The following XPC variants were observed in gnomAD, a reference collection of about 807,000 sequenced individuals.
XPC encodes XPC complex subunit, DNA damage recognition and repair factor, also known as DNA repair protein complementing XP-C cells.
A neutral mutation model predicts 95.8 loss-of-function variants in XPC; 76 were observed. That is an observed-to-expected ratio of 0.79 (90% confidence interval 0.66 to 0.96). The LOEUF (loss-of-function observed/expected upper bound fraction) is 0.96. XPC is among the 40% of genes least tolerant of loss of function. XPC has a pLI of 0.00. For synonymous variants in XPC, 442 were observed against 442.1 expected (o/e 1.00, Z 0.00); for missense variants, 1,146 against 1,179.8 (o/e 0.97, Z 0.42).
intron 9 of XPC, among the ~76,000 whole-genome samples, chr3:14,156,828 G>A (rs1178570064): frequency 1.3e-5 from 2 of 152,224 alleles, no homozygotes; most frequent in Non-Finnish European, 2.9e-5. Flanking sequence ...TCAGTAAGAA[G>A]GTCTTATTTC....
intron 1 of XPC, 29 bp downstream of exon 1, chr3:14,178,437 C>T (rs1320458358): frequency 6.3e-7 from 1 of 1,578,410 alleles, no homozygotes; most frequent in East Asian, 2.3e-5. Context: ...GCGGCGTCTC[C>T]CGCGAAGCCC....
intron 1 of XPC, 116 bp downstream of exon 1, chr3:14,178,350 C>T: frequency 8.1e-7 from 1 of 1,238,698 alleles, no homozygotes; most frequent in Non-Finnish European, 1.1e-6. Context: ...CCCCACGGCG[C>T]GGAACGCGCG....
chr3:14,148,868 C>G lies in XPC; in HGVS notation c.2196G>C (p.Leu732=). The change falls in exon 12 of 16, where the codon CTG becomes CTC. Residue 732 remains leucine, a synonymous_variant. Transcript: ENST00000285021. The part of the protein sequence containing the change: ...PQLREENDLG[L]FGYWQTEEYQ... Reference sequence around the variant, plus strand: ...ACTCCTCTGTCTGCCAGTAGCCAAACAGGCCCAGGTCATTTTCTTCCCGCA... The same window carrying G: ...ACTCCTCTGTCTGCCAGTAGCCAAAGAGGCCCAGGTCATTTTCTTCCCGCA... The G allele has an allele frequency of 6.2e-7, 1 of 1,614,032 alleles. No individual in the cohort carries two copies. Among genetic ancestry groups the G allele is most frequent in the Non-Finnish European group, 8.5e-7 (1 of 1,179,900 alleles).
At chr3:14,177,373 G>A (rs958332952) in intron 1 of XPC, among the ~76,000 whole-genome samples, 4 of 152,112 alleles carry the variant, frequency 2.6e-5, no homozygotes, top group African/African-American at 9.7e-5. Flanking sequence ...TATCCGCGGG[G>A]TATCTGGGAA....
Position 14,158,199 on chromosome 3 carries a change from C to A in XPC, c.1684G>T (p.Ala562Ser). 2 of 1,613,912 alleles carry A rather than the reference C, an allele frequency of 1.2e-6. No individual in the cohort carries two copies. The highest frequency in any genetic ancestry group is 1.7e-5 in the Admixed American group (1 of 60,010). ...ACCACATAGGTCATGGGCTTGGTGG[C>A]GTACTTGTAACAGGTCAGAGGCTGG... The part of the protein sequence containing the change: ...VGQPLTCYKY[A>S]TKPMTYVVGI... Residue 562 changes from alanine to serine, a missense_variant, in exon 9 of 16, where the codon GCC becomes TCC. Ala to Ser is a moderately conservative substitution (Grantham distance 99, BLOSUM62 1). Transcript: ENST00000285021. This position sits in a 1 kb window ranked among gnomAD's most constrained non-coding sequence, Gnocchi z 5.2.
In XPC at chr3:14,145,968, G is replaced by A. The variant is rs2125004538; in HGVS notation, c.2796C>T (p.Ser932=). The stretch of plus-strand genomic sequence containing the variant: ...ACAGCTGCTCAAATGGGAACAGGTG[G>A]GAAGCTGCTGCTTTCTTTTCCCTTT... The part of the protein sequence containing the change: ...KTKREKKAAA[S]HLFPFEQL Residue 932 remains serine (S), a synonymous_variant, in exon 16 of 16, where the codon TCC becomes TCT. Coordinates refer to ENST00000285021, the MANE Select transcript of XPC (RefSeq NM_004628.5). 6.2e-7 allele frequency: 1 copy of A among 1,608,358 alleles called. No individual in the cohort carries two copies.
At chr3:14,177,111 T>C (rs1362096804) in intron 1 of XPC, among the ~76,000 whole-genome samples, 1 of 151,994 alleles carries the variant, frequency 6.6e-6, no homozygotes, top group African/African-American at 2.4e-5. Flanking sequence ...AATAAAATAT[T>C]TATTTAGCAT....
chr3:14,156,528 T>C, intron 9 of XPC, 33 bp from the exon 10 acceptor site: 1 of 1,613,408 alleles, frequency 6.2e-7, no homozygotes, highest in Non-Finnish European at 8.5e-7. Context: ...GTTGAGCATG[T>C]TATTTAGAAG....
chr3:14,158,217 G>A lies in XPC; in HGVS notation c.1666C>T (p.Leu556=). The stretch of plus-strand genomic sequence containing the variant: ...TTGGTGGCGTACTTGTAACAGGTCA[G>A]AGGCTGGCCCACCACACCGTGCACA... ...DCVHGVVGQP[L]TCYKYATKPM... is the part of the protein sequence containing the mutation. Residue 556 remains leucine, a synonymous_variant, in exon 9 of 16, where the codon CTG becomes TTG. Coordinates refer to ENST00000285021, the MANE Select transcript of XPC (RefSeq NM_004628.5). This position sits in a 1 kb window ranked among gnomAD's most constrained non-coding sequence, Gnocchi z 5.2. 2 of 1,613,992 alleles carry A rather than the reference G, an allele frequency of 1.2e-6. No homozygotes were observed. Among genetic ancestry groups the A allele is most frequent in the Non-Finnish European group, 1.7e-6 (2 of 1,179,888 alleles).
intron 15 of XPC, among the ~76,000 whole-genome samples, chr3:14,147,010 T>G (rs1036257666): frequency 1.3e-5 from 2 of 152,142 alleles, no homozygotes; most frequent in African/African-American, 4.8e-5. Context: ...TCCCTATGTG[T>G]TCAGCGCCAA....
intron 9 of XPC, among the ~76,000 whole-genome samples, chr3:14,157,432 C>T (rs911803351): frequency 6.6e-6 from 1 of 152,158 alleles, no homozygotes; most frequent in Non-Finnish European, 1.5e-5. Flanking sequence ...GCGGCTCGGG[C>T]ACTATTCCTG....
chr3:14,168,425 A>C, intron 3 of XPC, 45 bp from the exon 4 acceptor site: 1 of 1,607,558 alleles, frequency 6.2e-7, no homozygotes. Flanking sequence ...AATAACAATA[A>C]TAATAGCTAC....
rs940834446 is a variant in XPC at position 14,145,937 on chromosome 3, C to T, written c.*4G>A. Reference sequence around the variant, plus strand: ...GGTGGGTGCCCCTCTAGTGGGCGCTCAGCTCACAGCTGCTCAAATGGGAAC... The same window carrying T: ...GGTGGGTGCCCCTCTAGTGGGCGCTTAGCTCACAGCTGCTCAAATGGGAAC... On this transcript the variant is annotated 3_prime_UTR_variant, in exon 16 of 16. Coordinates refer to ENST00000285021, the MANE Select transcript of XPC (RefSeq NM_004628.5). The T allele has an allele frequency of 1.0e-5, 16 of 1,599,684 alleles. No homozygotes were observed. In the Middle Eastern group the frequency reaches 7.0e-4, roughly 70 times the overall value.
chr3:14,147,718 A>C, intron 14 of XPC, 190 bp downstream of exon 14: 1 of 611,226 alleles, frequency 1.6e-6, no homozygotes, highest in Non-Finnish European at 2.9e-6. Context: ...CTCCTCAGGG[A>C]CAGTGATAGT....
rs774791216 is a variant in XPC at position 14,167,187 on chromosome 3, G to A, written c.603C>T (p.Val201=). The A allele has an allele frequency of 1.2e-6, 2 of 1,606,710 alleles. No homozygotes were observed. The highest frequency in any genetic ancestry group is 3.4e-5 in the Admixed American group (2 of 59,286). ...CCCTTACCTTGTGTGTGTCCTCATG[G>A]ACCCCTTTATTGAAACGTTTCATCG... ...RRAMKRFNKG[V]HEDTHKVHLL... Residue 201 remains valine (V), a synonymous_variant, in exon 5 of 16, where the codon GTC becomes GTT. Coordinates refer to ENST00000285021, the MANE Select transcript of XPC (RefSeq NM_004628.5).
Position 14,147,941 on chromosome 3 carries a change from A to G in XPC, c.2481T>C (p.Asn827=), listed in dbSNP as rs1695510835. 2 of 1,603,816 alleles carry G rather than the reference A, an allele frequency of 1.2e-6. No individual in the cohort carries two copies. The highest frequency in any genetic ancestry group is 1.7e-6 in the Non-Finnish European group (2 of 1,174,830). Reference sequence around the variant, plus strand: ...CCTTCCTTTCAATGACTGCCTGCTCATTTTCCCAGGCAGTCAGGAGCACGT... The same window carrying G: ...CCTTCCTTTCAATGACTGCCTGCTCGTTTTCCCAGGCAGTCAGGAGCACGT... The part of the protein sequence containing the change: ...FKDVLLTAWE[N]EQAVIERKEK... The change falls in exon 14 of 16, where the codon AAT becomes AAC. Residue 827 remains asparagine (N), a synonymous_variant. Transcript: ENST00000285021.
intron 1 of XPC, among the ~76,000 whole-genome samples, chr3:14,177,275 T>C (rs2125051430): frequency 6.6e-6 from 1 of 152,224 alleles, no homozygotes; most frequent in Middle Eastern, 3.4e-3. Flanking sequence ...GATCTAGAGA[T>C]GATTTAAAGT....
chr3:14,166,389 C>T (rs1437871167), intron 5 of XPC, among the ~76,000 whole-genome samples: 2 of 152,092 alleles, frequency 1.3e-5, no homozygotes, highest in African/African-American at 2.4e-5. Flanking sequence ...TCTCTAACCT[C>T]GTCACCATCC....
At chr3:14,168,716 TA>T (rs879621519) in intron 3 of XPC, among the ~76,000 whole-genome samples, 29 of 144,360 alleles carry the variant, frequency 2.0e-4, no homozygotes, top group Non-Finnish European at 2.9e-4. Context: ...TAAAACTCTT[TA>T]AAAAAAAAAA....
Sources: gnomAD v4.1 joint callset for allele counts (sites outside exome capture counted in the v4.1 genomes callset) on GRCh38, gnomAD v4.1.1 for gene constraint, Gnocchi (gnomAD v3.1) non-coding constraint, MANE v1.5 for transcripts, NCBI Gene and HGNC (gene_info 2026-07-23, HGNC 2026-07-21) for gene names.